Variants in DNER observed in about 807,000 individuals in gnomAD.
DNER encodes delta/notch like EGF repeat containing.
A neutral mutation model predicts 78.2 loss-of-function variants in DNER; 33 were observed. The observed-to-expected ratio is 0.42, with a 90% CI of 0.32 to 0.56. DNER has a LOEUF of 0.56. Among genes scored for constraint, DNER ranks in the 20% least tolerant of loss-of-function variants. The pLI is 0.11. For synonymous variants in DNER, 417 were observed against 384.8 expected, an observed-to-expected ratio of 1.08 and a Z score of -0.98; for missense variants, 918 against 975.3, an observed-to-expected ratio of 0.94 and a Z score of 0.78.
intron 1 of DNER, among the ~76,000 whole-genome samples, chr2:229,634,381 T>C (rs1265864517): frequency 2.0e-5 from 3 of 152,206 alleles, no homozygotes; most frequent in Admixed American, 1.3e-4. Flanking sequence ...TAAATTCCAC[T>C]GTACTCTCGC....
intron 4 of DNER, among the ~76,000 whole-genome samples, chr2:229,578,407 T>C (rs1697339197): frequency 6.6e-6 from 1 of 152,174 alleles, no homozygotes; most frequent in Non-Finnish European, 1.5e-5. Flanking sequence ...TTCCTTTTAA[T>C]TCCTGAGCAG....
chr2:229,639,898 T>C (rs2154215984), intron 1 of DNER, among the ~76,000 whole-genome samples: 1 of 152,258 alleles, frequency 6.6e-6, no homozygotes, highest in East Asian at 1.9e-4. Context: ...ACTGATAAAA[T>C]AACCCAGAAT....
chr2:229,490,871 C>T (rs185029681), intron 6 of DNER, among the ~76,000 whole-genome samples: 25 of 152,334 alleles, frequency 1.6e-4, no homozygotes, highest in African/African-American at 5.5e-4. Context: ...AAACGTCTCA[C>T]TACTTCCAGC....
At chr2:229,595,353 C>G (rs916792318) in intron 1 of DNER, among the ~76,000 whole-genome samples, 33 of 151,744 alleles carry the variant, frequency 2.2e-4, no homozygotes, top group African/African-American at 7.5e-4. Flanking sequence ...GCCATCTTGG[C>G]TCACTGCAAC....
At chr2:229,465,247 G>T (rs770588457) in intron 7 of DNER, among the ~76,000 whole-genome samples, 42 of 152,196 alleles carry the variant, frequency 2.8e-4, no homozygotes, top group Non-Finnish European at 4.4e-4. Flanking sequence ...ATACTATGCA[G>T]CCATAAAAAG....
chr2:229,586,829 A>G, intron 3 of DNER: 1 of 985,838 alleles, frequency 1.0e-6, no homozygotes, highest in Non-Finnish European at 1.2e-6. Context: ...AGAAGATCAC[A>G]GTAGACTCCG....
chr2:229,582,531 G>GAA (rs201611644), intron 4 of DNER, among the ~76,000 whole-genome samples: 4 of 145,842 alleles, frequency 2.7e-5, no homozygotes, highest in African/African-American at 7.5e-5. Flanking sequence ...TTTTCAAAAT[G>GAA]AAAAAAAAAT....
chr2:229,714,208 G>C lies in DNER; in HGVS notation c.216C>G (p.Pro72=), dbSNP rs559118774. 6 of 1,384,384 alleles carry C rather than the reference G, an allele frequency of 4.3e-6. No homozygotes were observed. In the African/African-American group the frequency reaches 9.0e-5, roughly 21 times the overall value. The allele number at this position is 1,384,384 out of a possible 1,614,324, so 85.8% of individuals were successfully genotyped here. A position where few individuals can be genotyped will look rare whatever the true frequency, so the allele number is the denominator to read the frequency against. Residue 72 remains proline (P), a synonymous_variant, in exon 1 of 13, where the codon CCC becomes CCG. Transcript: ENST00000341772. ...TGCAGCTGTAGCCAGGCTCGCCGGCGGGGGCCGGGTGCTGCGGGTCCGGCT... is the reference window on the plus strand; with the variant it reads ...TGCAGCTGTAGCCAGGCTCGCCGGCCGGGGCCGGGTGCTGCGGGTCCGGCT... The part of the protein sequence containing the change: ...RPEPDPQHPA[P]AGEPGYSCTC...
At chr2:229,624,044 C>T (rs1295901511) in intron 1 of DNER, among the ~76,000 whole-genome samples, 1 of 152,164 alleles carries the variant, frequency 6.6e-6, no homozygotes, top group Non-Finnish European at 1.5e-5. Context: ...ATCCAGCTCC[C>T]CAGCCACCCC....
chr2:229,677,002 A>T (rs909573868), intron 1 of DNER, among the ~76,000 whole-genome samples: 2 of 152,124 alleles, frequency 1.3e-5, no homozygotes, highest in African/African-American at 4.8e-5. Context: ...ATGTGATGTT[A>T]CCTACAGAAT....
chr2:229,668,441 TAC>T (rs1247814845), intron 1 of DNER, among the ~76,000 whole-genome samples: 1 of 130,714 alleles, frequency 7.7e-6, no homozygotes, highest in African/African-American at 2.8e-5. Flanking sequence ...TATATATATA[TAC>T]ACTTATATAT....
chr2:229,662,062 T>C (rs1472356508), intron 1 of DNER, among the ~76,000 whole-genome samples: 1 of 152,224 alleles, frequency 6.6e-6, no homozygotes, highest in African/African-American at 2.4e-5. Flanking sequence ...CAAAGGCTTA[T>C]AATAATCTGG....
intron 6 of DNER, among the ~76,000 whole-genome samples, chr2:229,508,609 CG>C (rs1559152242): frequency 6.6e-6 from 1 of 151,952 alleles, no homozygotes; most frequent in Non-Finnish European, 1.5e-5. Flanking sequence ...AGGCTGGGCG[CG>C]GTGGCTCATG....
At chr2:229,400,898 T>C (rs1363005367) in intron 10 of DNER, among the ~76,000 whole-genome samples, 1 of 152,018 alleles carries the variant, frequency 6.6e-6, no homozygotes, top group Non-Finnish European at 1.5e-5. Flanking sequence ...AACATTATAG[T>C]AGAGAAACTT....
chr2:229,619,975 T>C (rs914047070), intron 1 of DNER, among the ~76,000 whole-genome samples: 1 of 152,220 alleles, frequency 6.6e-6, no homozygotes, highest in East Asian at 1.9e-4. Flanking sequence ...CCTTGTGAAA[T>C]CAAGCAATTA....
intron 1 of DNER, among the ~76,000 whole-genome samples, chr2:229,599,481 T>C (rs1295955101): frequency 1.3e-5 from 2 of 152,238 alleles, no homozygotes; most frequent in African/African-American, 4.8e-5. Context: ...GTAAGATGTT[T>C]AGCAGCATGC....
At chr2:229,415,705 G>C (rs1419460090) in intron 9 of DNER, among the ~76,000 whole-genome samples, 6 of 152,252 alleles carry the variant, frequency 3.9e-5, no homozygotes, top group Middle Eastern at 3.4e-3. Flanking sequence ...ACTTATCTTA[G>C]GGTATAGGGT....
intron 7 of DNER, among the ~76,000 whole-genome samples, chr2:229,449,482 T>G (rs931456778): frequency 1.1e-4 from 17 of 152,010 alleles, no homozygotes; most frequent in Admixed American, 6.6e-4. Flanking sequence ...TATGAAGGAA[T>G]AATTTTGAGA....
chr2:229,449,213 C>A (rs1363017336), intron 7 of DNER, among the ~76,000 whole-genome samples: 2 of 152,124 alleles, frequency 1.3e-5, no homozygotes, highest in East Asian at 3.8e-4. Flanking sequence ...TAATTCTACC[C>A]ATCATGAGAT....
Sources: gnomAD v4.1 joint callset for allele counts (sites outside exome capture counted in the v4.1 genomes callset) on GRCh38, gnomAD v4.1.1 for gene constraint, MANE v1.5 for transcripts, NCBI Gene and HGNC (gene_info 2026-07-23, HGNC 2026-07-21) for gene names.